Variants in TMEM130 observed in about 807,000 individuals in gnomAD.
TMEM130 encodes the protein transmembrane protein 130.
Under a neutral mutation model 42.9 loss-of-function variants are expected in TMEM130, and 37 were observed. That is an observed-to-expected ratio of 0.86 (90% CI 0.66 to 1.13). TMEM130 has a LOEUF of 1.13. Among genes scored for constraint, TMEM130 ranks in the 50% most tolerant of loss-of-function variants. TMEM130 has a pLI of 0.00. For synonymous variants in TMEM130, 259 were observed against 237.7 expected, an observed-to-expected ratio of 1.09 and a Z score of -0.82; for missense variants, 545 against 562.6, an observed-to-expected ratio of 0.97 and a Z score of 0.32.
At position 98,869,640 on chromosome 7, in the gene TMEM130, G is replaced by A. The variant is rs955042138; in HGVS notation, c.85+137C>T. ...GGGAAAGGGCGCTGCAGTGGCCTCA[G>A]CCGAGGAGGGAGATGCGCGCAGGGC... On this transcript the variant is annotated intron_variant, in intron 1 of 7. Transcript: ENST00000339375. The surrounding 1 kb of genome is among the most constrained non-coding windows in gnomAD (Gnocchi z 4.7). 1 of 699,972 alleles carries A rather than the reference G, an allele frequency of 1.4e-6. No homozygotes were observed. The highest frequency in any genetic ancestry group is 3.2e-5 in the South Asian group (1 of 31,184). The allele number at this position is 699,972 out of a possible 1,614,324, so 43.4% of individuals were successfully genotyped here. A position where few individuals can be genotyped will look rare whatever the true frequency, so the allele number is the denominator to read the frequency against.
chr7:98,848,641 A>G lies in TMEM130; in HGVS notation c.1061T>C (p.Leu354Ser). Reference protein sequence around the residue: ...FPCATLITVMLAFIMYMTLRN... With the variant: ...FPCATLITVMSAFIMYMTLRN... ...CAGGGTCATGTACATGATGAAGGCC[A>G]ACATCACAGTGATAAGTGTAGCACA... is the stretch of plus-strand genomic sequence containing the variant. Residue 354 changes from leucine to serine, a missense_variant, in exon 7 of 8, where the codon TTG (leucine) becomes TCG (serine). By Grantham distance (145) the Leu-to-Ser change is moderately radical (BLOSUM62 -2). Transcript: ENST00000339375. 6.2e-7 allele frequency: 1 copy of G among 1,614,166 alleles called. No homozygotes were observed. The highest frequency in any genetic ancestry group is 2.2e-5 in the East Asian group (1 of 44,874).
rs1554398215 is a variant in TMEM130 at position 98,851,485 on chromosome 7, G to A, written c.942C>T (p.Ser314=). 1 of 1,614,130 alleles carries A rather than the reference G, an allele frequency of 6.2e-7. No individual in the cohort carries two copies. Among genetic ancestry groups the A allele is most frequent in the Admixed American group, 1.7e-5 (1 of 60,006 alleles). The change falls in exon 6 of 8, where the codon AGC becomes AGT. Residue 314 remains serine, a synonymous_variant. Transcript: ENST00000339375. ...TGCTGATGATATTCTCGGCCCGGAT[G>A]CTGAAGCAGTAGTCCCCAGGGTCCC... The part of the protein sequence containing the change: ...TFRDPGDYCF[S]IRAENIISKT...
chr7:98,854,951 G>A (rs964483689), intron 5 of TMEM130, among the ~76,000 whole-genome samples: 4 of 152,144 alleles, frequency 2.6e-5, no homozygotes, highest in African/African-American at 9.7e-5. Context: ...CAGGATAATC[G>A]CTTGAACCAG....
rs1387920145 is a variant in TMEM130, at chr7:98,869,617, GA to G, written c.85+159del. Reference sequence around the variant, plus strand: ...GGGGAACAAGGATGAAAGGAGAGGGGAAAGGGCGCTGCAGTGGCCTCAGCCG... The same window carrying G: ...GGGGAACAAGGATGAAAGGAGAGGGGAAGGGCGCTGCAGTGGCCTCAGCCG... On this transcript the variant is annotated intron_variant, in intron 1 of 7. Transcript: ENST00000339375. This position sits in a 1 kb window ranked among gnomAD's most constrained non-coding sequence, Gnocchi z 4.7. 6.6e-6 allele frequency among the ~76,000 whole-genome samples: 1 copy of G among 152,218 alleles called. No individual in the cohort carries two copies. Among genetic ancestry groups the G allele is most frequent in the Non-Finnish European group, 1.5e-5 (1 of 68,028 alleles).
intron 5 of TMEM130, among the ~76,000 whole-genome samples, chr7:98,852,005 G>C (rs1794519012): frequency 6.6e-6 from 1 of 152,184 alleles, no homozygotes; most frequent in African/African-American, 2.4e-5. Context: ...GAAGTGCAGT[G>C]GCTCAATCAT....
At position 98,863,385 on chromosome 7, in the gene TMEM130, T is replaced by C. The variant is rs185965822; in HGVS notation, c.101A>G (p.Asn34Ser). Residue 34 changes from asparagine to serine, a missense_variant, in exon 2 of 8, where the codon AAT becomes AGT. Asn to Ser is a conservative substitution (Grantham distance 46, BLOSUM62 1). Coordinates refer to ENST00000339375, the MANE Select transcript of TMEM130 (RefSeq NM_152913.3). ...AGVAAGLYEL[N>S]LTTDSPATTG... ...GGTGGCAGGGCTATCGGTGGTGAGA[T>C]TGAGTTCATACAGGCCTAGGAGCCC... 3.1e-4 allele frequency: 490 copies of C among 1,594,300 alleles called. 4 individuals are homozygous for C. In the Admixed American group the frequency reaches 8.1e-3, roughly 26 times the overall value.
At chr7:98,858,742 C>T (rs1562909011) in intron 3 of TMEM130, among the ~76,000 whole-genome samples, 1 of 152,012 alleles carries the variant, frequency 6.6e-6, no homozygotes, top group Admixed American at 6.6e-5. Context: ...ATCCCAGCCA[C>T]TCAGGAGGCA....
rs553834101 is a variant in TMEM130, at chr7:98,855,891, G to A, written c.718+126C>T. 125 of 1,103,014 alleles carry A rather than the reference G, an allele frequency of 1.1e-4. No individual in the cohort carries two copies. The African/African-American group carries it at 1.3e-3, about 11-fold the overall frequency. The allele number at this position is 1,103,014 out of a possible 1,614,324, so 68.3% of individuals were successfully genotyped here. ...GTCTGAAGCAGGGTTAATGATAGACGCTCCTCAGAGGTCTGTGGGGCTCCA... is the reference window on the plus strand; with the variant it reads ...GTCTGAAGCAGGGTTAATGATAGACACTCCTCAGAGGTCTGTGGGGCTCCA... On this transcript the variant is annotated intron_variant, in intron 4 of 7. Coordinates refer to ENST00000339375, the MANE Select transcript of TMEM130 (RefSeq NM_152913.3).
At position 98,869,830 on chromosome 7, in the gene TMEM130, C is replaced by T. The variant is rs1554401104; in HGVS notation, c.32G>A (p.Arg11His). 3.5e-6 allele frequency: 5 copies of T among 1,444,324 alleles called. No homozygotes were observed. Among genetic ancestry groups the T allele is most frequent in the South Asian group, 2.8e-5 (2 of 72,044 alleles). 89.5% of individuals were successfully genotyped at this position (1,444,324 alleles called of 1,614,324 possible). A position where few individuals can be genotyped will look rare whatever the true frequency, so the allele number is the denominator to read the frequency against. ...CAGGAGGCAGGCAAGCCAGAGGATGCGGCCGAGGCGCGACCACACTGCCTG... is the reference window on the plus strand; with the variant it reads ...CAGGAGGCAGGCAAGCCAGAGGATGTGGCCGAGGCGCGACCACACTGCCTG... MAQAVWSRLGRILWLACLLPW... is the reference protein window; with the variant it reads MAQAVWSRLGHILWLACLLPW... Residue 11 changes from arginine (R) to histidine (H), a missense_variant, in exon 1 of 8, where the codon CGC becomes CAC. Physicochemically the swap from Arg to His is conservative, Grantham distance 29. Coordinates refer to ENST00000339375, the MANE Select transcript of TMEM130 (RefSeq NM_152913.3). The surrounding 1 kb of genome is among the most constrained non-coding windows in gnomAD (Gnocchi z 4.7).
At chr7:98,862,148 G>T (rs1794784704) in intron 2 of TMEM130, among the ~76,000 whole-genome samples, 1 of 152,116 alleles carries the variant, frequency 6.6e-6, no homozygotes, top group African/African-American at 2.4e-5. Context: ...TGACCCAAAT[G>T]CAGGTTTATT....
rs782621779 is a variant in TMEM130 at position 98,863,327 on chromosome 7, C to G, written c.159G>C (p.Leu53=). 25 of 1,611,668 alleles carry G rather than the reference C, an allele frequency of 1.6e-5. No homozygotes were observed. The highest frequency in any genetic ancestry group is 1.6e-4 in the Middle Eastern group (1 of 6,080). The change falls in exon 2 of 8, where the codon CTG becomes CTC. Residue 53 remains leucine, a synonymous_variant. Transcript: ENST00000339375. ...TGAVVTISAS[L]VAKDNGSLAL... ...CCAGGCTGCCGTTGTCCTTGGCCAC[C>G]AGGCTGGCCGAGATGGTCACCACCG...
At chr7:98,860,475 AG>A (rs1554399660) in intron 2 of TMEM130, 137 bp from the exon 3 acceptor site, 2 of 874,944 alleles carry the variant, frequency 2.3e-6, no homozygotes, top group Non-Finnish European at 3.4e-6. Context: ...AGGCAGGGAG[AG>A]GGGACACCCC....
At chr7:98,853,675 T>G (rs1272917180) in intron 5 of TMEM130, among the ~76,000 whole-genome samples, 1 of 152,228 alleles carries the variant, frequency 6.6e-6, no homozygotes, top group Non-Finnish European at 1.5e-5. Context: ...CACTGATGTC[T>G]GCGGCTCTAT....
In TMEM130 at chr7:98,869,742, C is replaced by T; in HGVS notation, c.85+35G>A. On this transcript the variant is annotated intron_variant, in intron 1 of 7. Coordinates refer to ENST00000339375, the MANE Select transcript of TMEM130 (RefSeq NM_152913.3). The surrounding 1 kb of genome is among the most constrained non-coding windows in gnomAD (Gnocchi z 4.7). ...ACGGTTCCAGGCCCCGGGCGGGCTGCGGCTGCAGGGAGGCCGGATTGCCCA... is the reference window on the plus strand; with the variant it reads ...ACGGTTCCAGGCCCCGGGCGGGCTGTGGCTGCAGGGAGGCCGGATTGCCCA... 1 of 1,336,666 alleles carries T rather than the reference C, an allele frequency of 7.5e-7. No individual in the cohort carries two copies. Among genetic ancestry groups the T allele is most frequent in the Non-Finnish European group, 9.6e-7 (1 of 1,041,026 alleles). 82.8% of individuals were successfully genotyped at this position (1,336,666 alleles called of 1,614,324 possible). A position where few individuals can be genotyped will look rare whatever the true frequency, so the allele number is the denominator to read the frequency against.
At chr7:98,850,273 A>ATATATTTTTTTTTTTTTTT in intron 6 of TMEM130, among the ~76,000 whole-genome samples, 5 of 35,470 alleles carry the variant, frequency 1.4e-4, no homozygotes, top group South Asian at 1.1e-3. Flanking sequence ...ATATATATAT[A>ATATATTTTTTTTTTTTTTT]TTTTTTTTTT....
chr7:98,848,294 C>A (rs782357951), intron 7 of TMEM130, 86 bp from the exon 8 acceptor site: 3 of 1,551,058 alleles, frequency 1.9e-6, no homozygotes, highest in Non-Finnish European at 2.6e-6. Context: ...CCAGGAGCCC[C>A]ATCAGGTGGC....
intron 2 of TMEM130, among the ~76,000 whole-genome samples, chr7:98,862,320 A>G (rs1440390461): frequency 1.0e-5 from 1 of 97,112 alleles, no homozygotes; most frequent in African/African-American, 3.1e-5. Context: ...GACAGAGAAC[A>G]GAAAGAGCAA....
rs11297042 is a variant in TMEM130 at position 98,854,042 on chromosome 7, G to GT, written c.803+1197dup. On this transcript the variant is annotated intron_variant, in intron 5 of 7. Transcript: ENST00000339375. ...TTTTTTTGTTTTTTGGTTTTTTTTT[G>GT]TTTTTTTTTTTTTTGGACAGAGTCT... is the stretch of plus-strand genomic sequence containing the variant. Among the ~76,000 whole-genome samples the GT allele has an allele frequency of 2.6e-3, 272 of 105,548 alleles. 4 individuals are homozygous for GT. The highest frequency in any genetic ancestry group is 8.1e-3 in the African/African-American group (233 of 28,636). The allele number at this position is 105,548 out of a possible 152,430, so 69.2% of individuals were successfully genotyped here.
intron 3 of TMEM130, among the ~76,000 whole-genome samples, chr7:98,859,174 TA>T (rs1292943356): frequency 6.6e-6 from 1 of 151,940 alleles, no homozygotes; most frequent in East Asian, 1.9e-4. Flanking sequence ...CTCCCACTTG[TA>T]ACCCCAGCAC....
Sources: allele counts gnomAD v4.1 joint callset (sites outside exome capture counted in the v4.1 genomes callset), GRCh38; gene constraint gnomAD v4.1.1; non-coding constraint Gnocchi (gnomAD v3.1); transcripts MANE v1.5; gene names NCBI Gene and HGNC (gene_info 2026-07-23, HGNC 2026-07-21).